Variants in OR56A3 observed in about 807,000 individuals in gnomAD.
OR56A3 encodes the protein olfactory receptor family 56 subfamily A member 3.
In OR56A3, 23 loss-of-function variants were observed where a neutral mutation model predicts 17.5. The observed-to-expected ratio is 1.32, with a 90% confidence interval of 0.95 to 1.87. The LOEUF is 1.87. Ranked by LOEUF, OR56A3 falls within the 40% of genes most tolerant of loss-of-function variation. The probability of loss-of-function intolerance (pLI) is 0.00; values close to 1 mark genes in which losing one functional copy is unlikely to be tolerated. For synonymous variants in OR56A3, 175 were observed against 150.6 expected (o/e 1.16, Z -1.19); for missense variants, 366 against 380.1 (o/e 0.96, Z 0.31).
chr11:6,016,275 G>A, the OR56A3 span, among the ~76,000 whole-genome samples: 1 of 152,176 alleles, frequency 6.6e-6, no homozygotes, highest in Admixed American at 6.5e-5. Flanking sequence ...CTCACCAGAA[G>A]CAGAGGTTGC....
the OR56A3 span, among the ~76,000 whole-genome samples, chr11:6,014,921 G>C: frequency 7.6e-6 from 1 of 131,420 alleles, no homozygotes; most frequent in Non-Finnish European, 1.6e-5. Context: ...GATGACTTAG[G>C]GTATGTGGCA....
At chr11:5,998,563 C>A in the OR56A3 span, among the ~76,000 whole-genome samples, 2 of 152,126 alleles carry the variant, frequency 1.3e-5, no homozygotes, top group African/African-American at 2.4e-5. Context: ...TAATAACCGA[C>A]CAGTTTTTCT....
chr11:5,964,181 G>T, the OR56A3 span, among the ~76,000 whole-genome samples: 1 of 152,056 alleles, frequency 6.6e-6, no homozygotes, highest in African/African-American at 2.4e-5. Context: ...TAAAATAGCT[G>T]TTTTGTATTT....
At chr11:5,955,518 C>G (rs1847927745), downstream of OR56A3, among the ~76,000 whole-genome samples, 1 of 152,062 alleles carries the variant, frequency 6.6e-6, no homozygotes. Context: ...AAGTTTAGAG[C>G]AGGAATGAAA....
the OR56A3 span, chr11:5,968,525 C>T: frequency 6.9e-7 from 1 of 1,449,074 alleles, no homozygotes. Flanking sequence ...AAAATTTCAC[C>T]TGAAATTGTG....
the OR56A3 span, chr11:6,003,214 T>C: frequency 9.9e-7 from 1 of 1,015,066 alleles, no homozygotes; most frequent in South Asian, 1.8e-5. Flanking sequence ...CATTATCTCA[T>C]TTCATCCTTT....
chr11:5,950,730 C>T lies in OR56A3; in HGVS notation c.*2436C>T, dbSNP rs1847902709. On this transcript the variant is annotated 3_prime_UTR_variant, in exon 3 of 3. Coordinates refer to ENST00000641160, the MANE Select transcript of OR56A3 (RefSeq NM_001003443.3). ...AGATAATCATTAATGTGATATTGCACATTCCTTTTCTGTACTAAGTCTTTG... is the reference window on the plus strand; with the variant it reads ...AGATAATCATTAATGTGATATTGCATATTCCTTTTCTGTACTAAGTCTTTG... 1 of 152,068 alleles carries T rather than the reference C, an allele frequency of 6.6e-6. No individual in the cohort carries two copies. Among genetic ancestry groups the T allele is most frequent in the Admixed American group, 6.5e-5 (1 of 15,270 alleles). The allele number at this position is 152,068 out of a possible 1,614,324, so 9.4% of individuals were successfully genotyped here. A position where few individuals can be genotyped will look rare whatever the true frequency, so the allele number is the denominator to read the frequency against.
the OR56A3 span, among the ~76,000 whole-genome samples, chr11:5,971,592 A>G: frequency 6.6e-6 from 1 of 152,194 alleles, no homozygotes; most frequent in Non-Finnish European, 1.5e-5. Context: ...ATGACGAGGA[A>G]TGGGAGTAGA....
downstream of OR56A3, among the ~76,000 whole-genome samples, chr11:5,951,529 T>A (rs1191396578): frequency 6.6e-6 from 1 of 152,154 alleles, no homozygotes; most frequent in East Asian, 1.9e-4. Flanking sequence ...ATTCATAAAA[T>A]GTTGAAACTC....
chr11:5,967,534 G>A, the OR56A3 span: 1 of 1,493,894 alleles, frequency 6.7e-7, no homozygotes, highest in Non-Finnish European at 9.0e-7. Flanking sequence ...TCAAGGTCAG[G>A]TTGCATTCAT....
chr11:5,957,372 A>T, the OR56A3 span, among the ~76,000 whole-genome samples: 1 of 152,142 alleles, frequency 6.6e-6, no homozygotes, highest in African/African-American at 2.4e-5. Context: ...ATACTTTCTT[A>T]ATCTATCTCA....
At chr11:5,986,325 A>C in the OR56A3 span, 18 of 1,613,916 alleles carry the variant, frequency 1.1e-5, no homozygotes, top group African/African-American at 4.0e-5. Context: ...CAAGTTTCAC[A>C]ACAGCCATAT....
At chr11:5,955,006 C>G (rs1847925418), downstream of OR56A3, among the ~76,000 whole-genome samples, 1 of 152,300 alleles carries the variant, frequency 6.6e-6, no homozygotes, top group Non-Finnish European at 1.5e-5. Flanking sequence ...TAACATGCAT[C>G]ATAAGCTGCA....
the OR56A3 span, among the ~76,000 whole-genome samples, chr11:5,961,021 G>A: frequency 9.9e-5 from 15 of 150,778 alleles, no homozygotes; most frequent in South Asian, 1.3e-3. Flanking sequence ...GAGCCCCTCC[G>A]CCCGGCAGCC....
At chr11:6,002,159 C>G in the OR56A3 span, 1 of 1,614,140 alleles carries the variant, frequency 6.2e-7, no homozygotes, top group Non-Finnish European at 8.5e-7. Context: ...GGATGTTGAG[C>G]AGGATGGGGA....
chr11:5,980,356 A>T, the OR56A3 span, among the ~76,000 whole-genome samples: 1 of 151,992 alleles, frequency 6.6e-6, no homozygotes, highest in African/African-American at 2.4e-5. Context: ...TTCTTTTATG[A>T]ATGCTCAGTG....
chr11:6,014,764 T>C, the OR56A3 span, among the ~76,000 whole-genome samples: 1 of 151,960 alleles, frequency 6.6e-6, no homozygotes, highest in Admixed American at 6.6e-5. Context: ...GTACTATGGA[T>C]AATGAAGTCC....
the OR56A3 span, among the ~76,000 whole-genome samples, chr11:6,015,008 A>AAAAAAAAAAAAAAAAAAAAAAAGAG: frequency 6.7e-6 from 1 of 150,318 alleles, no homozygotes; most frequent in Admixed American, 6.6e-5. Flanking sequence ...AAAAAAAAAA[A>AAAAAAAAAAAAAAAAAAAAAAAGAG]AAAAAAATGA....
At chr11:6,016,194 G>A in the OR56A3 span, among the ~76,000 whole-genome samples, 5 of 152,022 alleles carry the variant, frequency 3.3e-5, no homozygotes, top group South Asian at 2.1e-4. Flanking sequence ...ACTCTCTCTC[G>A]GTCCTGCTCT....
Sources: gnomAD v4.1 joint callset for allele counts (sites outside exome capture counted in the v4.1 genomes callset) on GRCh38, gnomAD v4.1.1 for gene constraint, MANE v1.5 for transcripts, NCBI Gene and HGNC (gene_info 2026-07-23, HGNC 2026-07-21) for gene names.